The following ENTREP2 variants were observed in gnomAD, a reference collection of about 807,000 sequenced individuals.
ENTREP2 encodes the protein protein ENTREP2.
At chr15:29,610,333 T>A in the ENTREP2 span, 1 of 150,588 alleles carries the variant, frequency 6.6e-6, no homozygotes. Context: ...ATATGCCATT[T>A]CTGAGAGTCA....
At chr15:29,586,227 G>A in the ENTREP2 span, among the ~76,000 whole-genome samples, 3 of 152,044 alleles carry the variant, frequency 2.0e-5, no homozygotes, top group African/African-American at 7.2e-5. Context: ...AAAAGGCCAC[G>A]ATTCTATTGG....
At chr15:29,508,212 C>T in the ENTREP2 span, among the ~76,000 whole-genome samples, 1 of 152,230 alleles carries the variant, frequency 6.6e-6, no homozygotes, top group Non-Finnish European at 1.5e-5. Context: ...GAAGTCAAAT[C>T]CCTGAATAGA....
the ENTREP2 span, among the ~76,000 whole-genome samples, chr15:29,528,206 T>G: frequency 6.6e-6 from 1 of 152,056 alleles, no homozygotes; most frequent in Admixed American, 6.5e-5. Flanking sequence ...CGGGGTCAGA[T>G]CCTTGATATT....
At chr15:29,136,247 T>C in the ENTREP2 span, 5 of 1,122,158 alleles carry the variant, frequency 4.5e-6, no homozygotes, top group Non-Finnish European at 6.0e-6. Flanking sequence ...CGCTCATGAG[T>C]GTTCACCTCA....
At chr15:29,649,370 T>C in the ENTREP2 span, among the ~76,000 whole-genome samples, 2 of 152,220 alleles carry the variant, frequency 1.3e-5, no homozygotes, top group East Asian at 3.9e-4. Context: ...AAAACATGAA[T>C]AGATTTTTTT....
At chr15:29,547,252 ATT>A in the ENTREP2 span, among the ~76,000 whole-genome samples, 1,704 of 148,956 alleles carry the variant, frequency 0.011, 31 homozygotes, top group African/African-American at 0.04. Context: ...CACCTGGCTA[ATT>A]TTTTTTTTTA....
the ENTREP2 span, among the ~76,000 whole-genome samples, chr15:29,554,692 G>GCT: frequency 6.6e-6 from 1 of 152,172 alleles, no homozygotes; most frequent in African/African-American, 2.4e-5. Context: ...AAAATAGAGT[G>GCT]CTCAGAGAGG....
chr15:29,246,138 AC>A, the ENTREP2 span, among the ~76,000 whole-genome samples: 2 of 152,144 alleles, frequency 1.3e-5, no homozygotes, highest in African/African-American at 2.4e-5. Context: ...ACGCCTGTAA[AC>A]CCAGCACTTT....
At chr15:29,329,008 A>T in the ENTREP2 span, among the ~76,000 whole-genome samples, 2 of 152,116 alleles carry the variant, frequency 1.3e-5, no homozygotes, top group African/African-American at 4.8e-5. Context: ...ATACATACAT[A>T]CCTTTGATAA....
the ENTREP2 span, among the ~76,000 whole-genome samples, chr15:29,410,380 C>T: frequency 6.6e-6 from 1 of 152,074 alleles, no homozygotes; most frequent in Non-Finnish European, 1.5e-5. Flanking sequence ...CTGCAGGTCT[C>T]ACTCCCCTGC....
At chr15:29,289,243 A>G in the ENTREP2 span, among the ~76,000 whole-genome samples, 1 of 151,948 alleles carries the variant, frequency 6.6e-6, no homozygotes, top group Non-Finnish European at 1.5e-5. Flanking sequence ...AAAAATGCAC[A>G]TAACACAATG....
At chr15:29,384,437 C>T in the ENTREP2 span, among the ~76,000 whole-genome samples, 1 of 152,166 alleles carries the variant, frequency 6.6e-6, no homozygotes, top group Admixed American at 6.5e-5. Context: ...CAGCCTTGTC[C>T]ACTCGCTCTT....
At chr15:29,570,685 G>A in the ENTREP2 span, 102 of 1,168,672 alleles carry the variant, frequency 8.7e-5, 1 homozygote, top group South Asian at 3.4e-3. Flanking sequence ...GGGGCAGCGC[G>A]GCGGGACGCG....
chr15:29,299,071 G>A, the ENTREP2 span, among the ~76,000 whole-genome samples: 1 of 152,170 alleles, frequency 6.6e-6, no homozygotes, highest in East Asian at 1.9e-4. Flanking sequence ...GACCACATAA[G>A]GTTGGATCCA....
chr15:29,501,021 CAG>C, the ENTREP2 span, among the ~76,000 whole-genome samples: 3 of 151,906 alleles, frequency 2.0e-5, no homozygotes, highest in Non-Finnish European at 4.4e-5. Context: ...CAAGAAGAAA[CAG>C]ACCTGTAGCT....
the ENTREP2 span, among the ~76,000 whole-genome samples, chr15:29,654,353 G>A: frequency 6.6e-4 from 101 of 152,242 alleles, 1 homozygote; most frequent in African/African-American, 2.3e-3. Flanking sequence ...ACTACATTGA[G>A]GAAGGCAAAC....
chr15:29,151,446 C>A, the ENTREP2 span, among the ~76,000 whole-genome samples: 1 of 152,216 alleles, frequency 6.6e-6, no homozygotes, highest in African/African-American at 2.4e-5. Flanking sequence ...ATGTCCAGGG[C>A]TGCAGGAATT....
chr15:29,206,081 T>G, the ENTREP2 span, among the ~76,000 whole-genome samples: 2 of 152,218 alleles, frequency 1.3e-5, no homozygotes, highest in African/African-American at 4.8e-5. Flanking sequence ...TTCTCTGGAC[T>G]ACTATTAACA....
chr15:29,336,898 G>A, the ENTREP2 span, among the ~76,000 whole-genome samples: 9 of 152,072 alleles, frequency 5.9e-5, no homozygotes, highest in South Asian at 4.2e-4. Context: ...CACCAGCAGC[G>A]CCGAGGTCCT....
Sources: gnomAD v4.1 joint callset for allele counts (sites outside exome capture counted in the v4.1 genomes callset) on GRCh38, gnomAD v4.1.1 for gene constraint, MANE v1.5 for transcripts, NCBI Gene and HGNC (gene_info 2026-07-23, HGNC 2026-07-21) for gene names.